The following ZPBP variants were observed in gnomAD, a reference collection of about 807,000 sequenced individuals.
ZPBP encodes zona pellucida-binding protein 1.
Under a neutral mutation model 44.8 loss-of-function variants are expected in ZPBP, and 26 were observed. The observed-to-expected ratio is 0.58, with a 90% CI of 0.43 to 0.81. The LOEUF (loss-of-function observed/expected upper bound fraction) is 0.81, where lower values mean the gene tolerates loss of function less well. ZPBP is among the 30% of genes least tolerant of loss of function. ZPBP has a pLI of 0.00. For synonymous variants in ZPBP, 174 were observed against 153.2 expected (o/e 1.14, Z -1.00); for missense variants, 409 against 434.0 (o/e 0.94, Z 0.51).
At chr7:49,946,481 T>G (rs1332890689) in intron 7 of ZPBP, among the ~76,000 whole-genome samples, 3 of 152,118 alleles carry the variant, frequency 2.0e-5, no homozygotes, top group Non-Finnish European at 4.4e-5. Flanking sequence ...AGGATACAAA[T>G]TTTTTCTTTT....
At chr7:50,046,753 T>C (rs1052074429) in intron 4 of ZPBP, among the ~76,000 whole-genome samples, 3 of 152,200 alleles carry the variant, frequency 2.0e-5, no homozygotes, top group African/African-American at 7.2e-5. Context: ...CTCAAGGATC[T>C]AGAACCAGAA....
intron 3 of ZPBP, among the ~76,000 whole-genome samples, chr7:50,063,871 T>C (rs1259577917): frequency 1.3e-5 from 2 of 152,252 alleles, no homozygotes; most frequent in African/African-American, 4.8e-5. Context: ...TCATTGGTTA[T>C]AATTTCAAGG....
chr7:49,972,133 C>T (rs1796324426), intron 7 of ZPBP, among the ~76,000 whole-genome samples: 1 of 151,732 alleles, frequency 6.6e-6, no homozygotes, highest in African/African-American at 2.4e-5. Context: ...TCACAGCTAA[C>T]ATCACATTCA....
At chr7:50,056,960 C>A (rs1408663527) in intron 4 of ZPBP, among the ~76,000 whole-genome samples, 2 of 151,936 alleles carry the variant, frequency 1.3e-5, no homozygotes, top group Non-Finnish European at 2.9e-5. Flanking sequence ...CCAAGGTGGG[C>A]AGATCATGAG....
chr7:49,996,255 C>T lies in ZPBP; in HGVS notation c.784-12736G>A, dbSNP rs535971888. The stretch of plus-strand genomic sequence containing the variant: ...CGGGTCACAAAACTTTGCAGGGGTT[C>T]TCCCGGCTGCTAAATATGTCTGTTC... On this transcript the variant is annotated intron_variant, in intron 6 of 7. Coordinates refer to ENST00000046087, the MANE Select transcript of ZPBP (RefSeq NM_007009.3). Among the ~76,000 whole-genome samples the T allele has an allele frequency of 1.3e-3, 199 of 152,274 alleles. 1 individual carries two copies. Among genetic ancestry groups the T allele is most frequent in the African/African-American group, 4.6e-3 (190 of 41,540 alleles).
At chr7:49,960,752 T>C (rs1049626402) in intron 7 of ZPBP, among the ~76,000 whole-genome samples, 4 of 152,058 alleles carry the variant, frequency 2.6e-5, no homozygotes, top group African/African-American at 9.7e-5. Flanking sequence ...GCTCAAGATA[T>C]CTTTTAATCA....
At chr7:49,914,686 A>T (rs1210029743) in intron 1 of ZPBP, 5 of 152,206 alleles carry the variant, frequency 3.3e-5, no homozygotes, top group African/African-American at 1.2e-4. Flanking sequence ...TCTCAGATTG[A>T]CATTCTATTT....
chr7:49,945,401 T>C (rs1277237254), intron 7 of ZPBP, among the ~76,000 whole-genome samples: 1 of 152,124 alleles, frequency 6.6e-6, no homozygotes, highest in Non-Finnish European at 1.5e-5. Flanking sequence ...ATTTCTTTGT[T>C]GATTTTCTGT....
the ZPBP span, among the ~76,000 whole-genome samples, chr7:49,845,055 T>C: frequency 1.3e-5 from 2 of 152,098 alleles, no homozygotes; most frequent in South Asian, 2.1e-4. Context: ...CCGAATGTTC[T>C]CACTTATAAA....
At chr7:49,900,165 G>C (rs1249980494) in intron 2 of ZPBP, among the ~76,000 whole-genome samples, 2 of 151,318 alleles carry the variant, frequency 1.3e-5, no homozygotes, top group African/African-American at 4.9e-5. Context: ...ATATGTGTGG[G>C]ATATAGTGAA....
At chr7:49,952,590 C>A (rs1795394258) in intron 7 of ZPBP, among the ~76,000 whole-genome samples, 1 of 151,880 alleles carries the variant, frequency 6.6e-6, no homozygotes, top group Non-Finnish European at 1.5e-5. Flanking sequence ...ACATTACAGG[C>A]AGGGTGGAGG....
At chr7:49,881,402 GGAAT>G (rs1210090608) in intron 2 of ZPBP, among the ~76,000 whole-genome samples, 1 of 152,148 alleles carries the variant, frequency 6.6e-6, no homozygotes, top group Non-Finnish European at 1.5e-5. Flanking sequence ...AGGGGAGTCT[GGAAT>G]GAATGATTTA....
intron 4 of ZPBP, among the ~76,000 whole-genome samples, chr7:50,034,650 A>G (rs1799747453): frequency 1.3e-5 from 2 of 149,334 alleles, no homozygotes; most frequent in African/African-American, 4.9e-5. Flanking sequence ...ACCAAATTTG[A>G]AAAAAAAAAC....
intron 5 of ZPBP, among the ~76,000 whole-genome samples, chr7:50,027,603 G>A (rs1799396789): frequency 6.6e-6 from 1 of 151,704 alleles, no homozygotes; most frequent in Admixed American, 6.6e-5. Flanking sequence ...GTAGCAAAAA[G>A]AAGGAAATAA....
chr7:49,979,139 G>C (rs1461708709), intron 7 of ZPBP, among the ~76,000 whole-genome samples: 1 of 151,458 alleles, frequency 6.6e-6, no homozygotes, highest in Non-Finnish European at 1.5e-5. Context: ...TCATGCTATT[G>C]CTTGGATGGT....
intron 2 of ZPBP, among the ~76,000 whole-genome samples, chr7:49,898,117 GTGTGTGTGTGTGTATGTA>G (rs1562760016): frequency 2.0e-5 from 3 of 151,946 alleles, no homozygotes; most frequent in Middle Eastern, 3.2e-3. Flanking sequence ...ACATATATGT[GTGTGTGTGTGTGTATGTA>G]TGTGTGTGTG....
chr7:49,974,133 T>C (rs188295906), intron 7 of ZPBP, among the ~76,000 whole-genome samples: 3 of 152,144 alleles, frequency 2.0e-5, no homozygotes, highest in Admixed American at 1.3e-4. Flanking sequence ...TACTGGGAGA[T>C]GAAGGGAAGG....
At chr7:50,048,062 G>A (rs1343918) in intron 4 of ZPBP, among the ~76,000 whole-genome samples, 40,840 of 151,992 alleles carry the variant, frequency 0.27, 6,104 homozygotes, top group Non-Finnish European at 0.35. Flanking sequence ...ACTGAGTGTA[G>A]ATATCTTTCT....
Position 50,061,010 on chromosome 7 carries a change from C to T in ZPBP, c.335-2869G>A, listed in dbSNP as rs778320279. Among the ~76,000 whole-genome samples the T allele has an allele frequency of 6.0e-4, 91 of 152,244 alleles. 1 individual carries two copies. Among genetic ancestry groups the T allele is most frequent in the Middle Eastern group, 3.4e-3 (1 of 294 alleles). On this transcript the variant is annotated intron_variant, in intron 3 of 7. Transcript: ENST00000046087. ...TGGGATGCAAGGTTGGTTCAACATACGCAAATCAATAAATTTGATTCATCA... is the reference window on the plus strand; with the variant it reads ...TGGGATGCAAGGTTGGTTCAACATATGCAAATCAATAAATTTGATTCATCA...
Sources: gnomAD v4.1 joint callset for allele counts (sites outside exome capture counted in the v4.1 genomes callset) on GRCh38, gnomAD v4.1.1 for gene constraint, MANE v1.5 for transcripts, NCBI Gene and HGNC (gene_info 2026-07-23, HGNC 2026-07-21) for gene names.